The following TSPAN12 variants were observed in gnomAD, a reference collection of about 807,000 sequenced individuals.
The protein encoded by TSPAN12 is tetraspanin 12, also known as tetraspanin-12.
In TSPAN12, 19 loss-of-function variants were observed where a neutral mutation model predicts 39.2. The ratio of observed to expected loss-of-function variants is 0.49; its 90% confidence interval spans 0.34 to 0.71. The LOEUF is 0.71. Among genes scored for constraint, TSPAN12 ranks in the 30% least tolerant of loss-of-function variants. The probability of loss-of-function intolerance (pLI) is 0.01; values close to 1 mark genes in which losing one functional copy is unlikely to be tolerated. For missense variants in TSPAN12, 314 were observed against 359.9 expected (o/e 0.87, Z 1.03); for synonymous variants, 119 against 124.8 (o/e 0.95, Z 0.31).
intron 7 of TSPAN12, among the ~76,000 whole-genome samples, chr7:120,805,571 G>A (rs1793856518): frequency 6.6e-6 from 1 of 152,080 alleles, no homozygotes; most frequent in South Asian, 2.1e-4. Flanking sequence ...TTGACAAGAG[G>A]TGTATGTGGG....
At chr7:120,843,356 C>G (rs1466802667) in intron 2 of TSPAN12, among the ~76,000 whole-genome samples, 2 of 152,214 alleles carry the variant, frequency 1.3e-5, no homozygotes, top group East Asian at 1.9e-4. Context: ...TGCTGCCTCC[C>G]TCGTTGCTTG....
chr7:120,804,635 C>T (rs559449931), intron 7 of TSPAN12, among the ~76,000 whole-genome samples: 1 of 152,096 alleles, frequency 6.6e-6, no homozygotes, highest in Non-Finnish European at 1.5e-5. Context: ...AATTATTCAA[C>T]TGTTTGAATA....
intron 7 of TSPAN12, among the ~76,000 whole-genome samples, chr7:120,799,732 CATTT>C (rs1301440446): frequency 1.7e-5 from 2 of 116,650 alleles, no homozygotes; most frequent in African/African-American, 3.4e-5. Flanking sequence ...TATTATATTT[CATTT>C]ATTTATATAT....
intron 2 of TSPAN12, among the ~76,000 whole-genome samples, chr7:120,851,791 C>T (rs555194218): frequency 4.3e-4 from 65 of 152,284 alleles, no homozygotes; most frequent in African/African-American, 1.3e-3. Context: ...TTCACCTACC[C>T]ACACCATCTC....
intron 2 of TSPAN12, among the ~76,000 whole-genome samples, chr7:120,855,473 TTAA>T (rs1305379952): frequency 6.6e-6 from 1 of 152,196 alleles, no homozygotes; most frequent in Non-Finnish European, 1.5e-5. Flanking sequence ...GTTTAAACTC[TTAA>T]TAACTTTTAA....
chr7:120,842,019 A>G (rs973248140), intron 2 of TSPAN12, among the ~76,000 whole-genome samples: 4 of 152,346 alleles, frequency 2.6e-5, no homozygotes, highest in African/African-American at 9.6e-5. Context: ...CTTAAGTACA[A>G]TGTAGGGAAA....
intron 2 of TSPAN12, among the ~76,000 whole-genome samples, chr7:120,847,590 T>C (rs1794696706): frequency 6.6e-6 from 1 of 152,228 alleles, no homozygotes; most frequent in African/African-American, 2.4e-5. Flanking sequence ...GCAGGGAAGC[T>C]GAACCTCTCC....
At chr7:120,793,680 T>C (rs1416068802) in intron 7 of TSPAN12, among the ~76,000 whole-genome samples, 1 of 152,168 alleles carries the variant, frequency 6.6e-6, no homozygotes, top group African/African-American at 2.4e-5. Flanking sequence ...CTAAAAGAAA[T>C]GAAATCAGTT....
chr7:120,796,999 C>CA (rs1028737567), intron 7 of TSPAN12, among the ~76,000 whole-genome samples: 3 of 151,940 alleles, frequency 2.0e-5, no homozygotes, highest in Admixed American at 6.6e-5. Context: ...ACTAAAAATA[C>CA]AAAAAAAATT....
chr7:120,795,598 A>C (rs1225744345), intron 7 of TSPAN12, among the ~76,000 whole-genome samples: 1 of 152,226 alleles, frequency 6.6e-6, no homozygotes, highest in African/African-American at 2.4e-5. Context: ...GATAAAGTGT[A>C]AATAAAATCT....
chr7:120,820,618 A>G, intron 4 of TSPAN12, among the ~76,000 whole-genome samples: 1 of 152,070 alleles, frequency 6.6e-6, no homozygotes, highest in African/African-American at 2.4e-5. Context: ...TGGCTTATAA[A>G]CCACTTGGCT....
chr7:120,807,710 A>C (rs955808572), intron 6 of TSPAN12, among the ~76,000 whole-genome samples: 1 of 152,138 alleles, frequency 6.6e-6, no homozygotes, highest in Non-Finnish European at 1.5e-5. Context: ...CTTCTCATGC[A>C]AAAGGAAACA....
At chr7:120,830,965 T>TA (rs1794379403) in intron 4 of TSPAN12, among the ~76,000 whole-genome samples, 1 of 151,498 alleles carries the variant, frequency 6.6e-6, no homozygotes, top group Non-Finnish European at 1.5e-5. Context: ...ATAACCCAAT[T>TA]AAAAAATAAG....
At chr7:120,834,193 T>C (rs1474911908) in intron 4 of TSPAN12, among the ~76,000 whole-genome samples, 1 of 152,196 alleles carries the variant, frequency 6.6e-6, no homozygotes, top group Non-Finnish European at 1.5e-5. Flanking sequence ...TAAATTTCAA[T>C]GAATAATGTT....
rs1412747575 is a variant in TSPAN12 at position 120,856,722 on chromosome 7, G to A, written c.42C>T (p.Leu14=). The A allele has an allele frequency of 1.9e-6, 3 of 1,614,222 alleles. No individual in the cohort carries two copies. The highest frequency in any genetic ancestry group is 8.5e-7 in the Non-Finnish European group (1 of 1,180,030). ...EDSVKCLRCL[L]YALNLLFWLM... ...CCCAAAAGAGCAGATTGAGGGCGTA[G>A]AGCAGGCAGCGCAGACACTTCACGG... Residue 14 remains leucine (L), a synonymous_variant, in exon 2 of 8, where the codon CTC becomes CTT. Transcript: ENST00000222747.
At chr7:120,837,536 T>A (rs1436378027) in intron 4 of TSPAN12, among the ~76,000 whole-genome samples, 1 of 152,106 alleles carries the variant, frequency 6.6e-6, no homozygotes, top group Non-Finnish European at 1.5e-5. Context: ...ATGGTCTTGA[T>A]TTCTTGACCT....
At chr7:120,833,581 GA>G (rs1222181175) in intron 4 of TSPAN12, among the ~76,000 whole-genome samples, 4 of 151,674 alleles carry the variant, frequency 2.6e-5, no homozygotes, top group African/African-American at 7.2e-5. Flanking sequence ...AATAAAATTG[GA>G]AAAAAAAGCA....
At chr7:120,853,830 C>A (rs375573839) in intron 2 of TSPAN12, among the ~76,000 whole-genome samples, 1 of 147,514 alleles carries the variant, frequency 6.8e-6, no homozygotes, top group African/African-American at 2.5e-5. Flanking sequence ...GCTGAGATTG[C>A]GCCACTGGAC....
At chr7:120,815,597 GT>G (rs1372471318) in intron 5 of TSPAN12, 131 bp downstream of exon 5, 1 of 842,372 alleles carries the variant, frequency 1.2e-6, no homozygotes, top group African/African-American at 1.7e-5. Context: ...ATGCTGAACT[GT>G]GAGTTAATTT....
Sources: allele counts gnomAD v4.1 joint callset (sites outside exome capture counted in the v4.1 genomes callset), GRCh38; gene constraint gnomAD v4.1.1; transcripts MANE v1.5; gene names NCBI Gene and HGNC (gene_info 2026-07-23, HGNC 2026-07-21).